The following THSD7A variants were observed in gnomAD, a reference collection of about 807,000 sequenced individuals.
The protein encoded by THSD7A is thrombospondin type 1 domain containing 7A.
In THSD7A, 96 loss-of-function variants were observed where a neutral mutation model predicts 231.3. The ratio of observed to expected loss-of-function variants is 0.41; its 90% confidence interval spans 0.35 to 0.49. The LOEUF (loss-of-function observed/expected upper bound fraction) is 0.49, where lower values mean the gene tolerates loss of function less well. THSD7A is among the 20% of genes least tolerant of loss of function. THSD7A has a pLI of 0.05. For missense variants in THSD7A, 2,290 were observed against 2,070.2 expected, an observed-to-expected ratio of 1.11 and a Z score of -2.06; for synonymous variants, 940 against 743.3, an observed-to-expected ratio of 1.26 and a Z score of -4.30.
chr7:11,412,875 G>C, intron 17 of THSD7A, 75 bp from the exon 18 acceptor site: 2 of 1,513,430 alleles, frequency 1.3e-6, no homozygotes, highest in Non-Finnish European at 1.8e-6. Context: ...GACAGCACTG[G>C]AGCAGGAGTT....
chr7:11,761,097 G>A (rs1277786918), intron 1 of THSD7A, among the ~76,000 whole-genome samples: 1 of 151,510 alleles, frequency 6.6e-6, no homozygotes, highest in Non-Finnish European at 1.5e-5. Flanking sequence ...TTTTAGAACA[G>A]CCCGAAGATT....
rs1782906624 is a variant in THSD7A, at chr7:11,389,688, TGTTA to T, written c.4412-7076_4412-7073del. Among the ~76,000 whole-genome samples, 5 of 152,074 alleles carry T rather than the reference TGTTA, an allele frequency of 3.3e-5. No homozygotes were observed. In the South Asian group the frequency reaches 1.0e-3, roughly 32 times the overall value. ...TGTGATGCTAGCTGGTTATTGTGCC[TGTTA>T]GTTGATGCAGTTTCTTCATAGTGTT... On this transcript the variant is annotated intron_variant, in intron 23 of 27. Coordinates refer to ENST00000423059, the MANE Select transcript of THSD7A (RefSeq NM_015204.3).
intron 2 of THSD7A, among the ~76,000 whole-genome samples, chr7:11,596,851 G>A (rs970098225): frequency 9.9e-5 from 15 of 152,228 alleles, no homozygotes; most frequent in African/African-American, 3.4e-4. Context: ...CACCTGGTAT[G>A]CAGCCATTGA....
intron 1 of THSD7A, among the ~76,000 whole-genome samples, chr7:11,730,415 A>G (rs986413695): frequency 6.6e-6 from 1 of 151,542 alleles, no homozygotes; most frequent in South Asian, 2.1e-4. Flanking sequence ...TTTTTAATTT[A>G]TATTTATATT....
intron 1 of THSD7A, among the ~76,000 whole-genome samples, chr7:11,691,180 G>C (rs187563563): frequency 1.3e-5 from 2 of 151,464 alleles, no homozygotes; most frequent in Non-Finnish European, 3.0e-5. Context: ...TCTTGAACTT[G>C]GTAAGTCTAG....
chr7:11,813,981 T>C (rs187327158), intron 1 of THSD7A, among the ~76,000 whole-genome samples: 8 of 152,256 alleles, frequency 5.3e-5, no homozygotes, highest in African/African-American at 1.7e-4. Context: ...CCAGTGGAAT[T>C]CTAATACATG....
intron 4 of THSD7A, among the ~76,000 whole-genome samples, chr7:11,557,208 G>C (rs1382125623): frequency 6.6e-6 from 1 of 151,792 alleles, no homozygotes; most frequent in Non-Finnish European, 1.5e-5. Flanking sequence ...TGATTATTCT[G>C]TATTTTAGTT....
chr7:11,381,534 ACAT>A (rs1782516327), intron 24 of THSD7A, among the ~76,000 whole-genome samples: 1 of 152,146 alleles, frequency 6.6e-6, no homozygotes, highest in Non-Finnish European at 1.5e-5. Flanking sequence ...TTCTAAACAA[ACAT>A]CACTCAGAGG....
intron 1 of THSD7A, among the ~76,000 whole-genome samples, chr7:11,674,599 C>T (rs903324704): frequency 2.6e-5 from 4 of 152,124 alleles, no homozygotes; most frequent in African/African-American, 9.7e-5. Context: ...CCTTGGCCCT[C>T]TGAAGACACA....
chr7:11,604,042 CAA>C (rs201904744), intron 2 of THSD7A, among the ~76,000 whole-genome samples: 3 of 142,630 alleles, frequency 2.1e-5, no homozygotes, highest in Non-Finnish European at 3.1e-5. Context: ...AAAAAAATGC[CAA>C]AAAAAAAAGA....
chr7:11,744,124 T>C (rs1026216044), intron 1 of THSD7A, among the ~76,000 whole-genome samples: 2 of 151,908 alleles, frequency 1.3e-5, no homozygotes, highest in African/African-American at 2.4e-5. Flanking sequence ...TTATGATTTT[T>C]CATACCATGT....
chr7:11,394,507 G>C (rs1783105725), intron 23 of THSD7A, among the ~76,000 whole-genome samples: 1 of 152,194 alleles, frequency 6.6e-6, no homozygotes, highest in Non-Finnish European at 1.5e-5. Context: ...AAAGGCAGCT[G>C]TTCTCTGACC....
Position 11,379,680 on chromosome 7 carries a change from C to A in THSD7A, c.4540G>T (p.Asp1514Tyr). ...GCLVMSQPDA[D>Y]RSCNPPCSQP... ...CTACACGGTGGGTTACAAGACCTGTCGGCATCAGGCTGGCTCATCACCAAG... is the reference window on the plus strand; with the variant it reads ...CTACACGGTGGGTTACAAGACCTGTAGGCATCAGGCTGGCTCATCACCAAG... The change falls in exon 25 of 28, where the codon GAC (aspartate) becomes TAC (tyrosine). Residue 1514 changes from aspartate to tyrosine, a missense_variant. Transcript: ENST00000423059. The A allele has an allele frequency of 1.3e-6, 2 of 1,593,208 alleles. No homozygotes were observed. Among genetic ancestry groups the A allele is most frequent in the East Asian group, 2.3e-5 (1 of 43,992 alleles).
At chr7:11,609,792 T>C (rs950288422) in intron 2 of THSD7A, among the ~76,000 whole-genome samples, 30 of 152,150 alleles carry the variant, frequency 2.0e-4, no homozygotes, top group African/African-American at 6.8e-4. Context: ...GGGTTATTAA[T>C]ATTCAGTTTT....
rs1441557539 is a variant in THSD7A, at chr7:11,540,382, A to G, written c.1822+1037T>C. The stretch of plus-strand genomic sequence containing the variant: ...AGAGTGTCTTTCTTTACGACTGAAC[A>G]GTGACTGAGTCACAGGAGGAAACAA... On this transcript the variant is annotated intron_variant, in intron 6 of 27. Transcript: ENST00000423059. Among the ~76,000 whole-genome samples, 4 of 152,218 alleles carry G rather than the reference A, an allele frequency of 2.6e-5. 1 individual carries two copies. Among genetic ancestry groups the G allele is most frequent in the South Asian group, 4.1e-4 (2 of 4,834 alleles).
chr7:11,497,681 A>C (rs1787159108), intron 6 of THSD7A, among the ~76,000 whole-genome samples: 1 of 152,226 alleles, frequency 6.6e-6, no homozygotes, highest in African/African-American at 2.4e-5. Flanking sequence ...GCCGACTAGA[A>C]GCAGCTAGTA....
intron 11 of THSD7A, among the ~76,000 whole-genome samples, chr7:11,448,400 CATT>C (rs1342217362): frequency 6.6e-6 from 1 of 152,098 alleles, no homozygotes; most frequent in Non-Finnish European, 1.5e-5. Context: ...GCAGATGAAA[CATT>C]AAACCTTGGT....
At chr7:11,790,511 T>C (rs1427905084) in intron 1 of THSD7A, among the ~76,000 whole-genome samples, 1 of 147,438 alleles carries the variant, frequency 6.8e-6, no homozygotes, top group Non-Finnish European at 1.5e-5. Flanking sequence ...AAGTAAGATC[T>C]TCTTAATGAG....
At chr7:11,685,006 G>A (rs1779986712) in intron 1 of THSD7A, among the ~76,000 whole-genome samples, 1 of 151,900 alleles carries the variant, frequency 6.6e-6, no homozygotes, top group Non-Finnish European at 1.5e-5. Context: ...AAACTGCATG[G>A]TACTGGTAGA....
Sources: gnomAD v4.1 joint callset for allele counts (sites outside exome capture counted in the v4.1 genomes callset) on GRCh38, gnomAD v4.1.1 for gene constraint, MANE v1.5 for transcripts, NCBI Gene and HGNC (gene_info 2026-07-23, HGNC 2026-07-21) for gene names.